The following TJP1 variants were observed in gnomAD, a reference collection of about 807,000 sequenced individuals.
The protein encoded by TJP1 is tight junction protein ZO-1.
TJP1 carries 43 observed loss-of-function variants against 194.2 expected under a neutral mutation model. The ratio of observed to expected loss-of-function variants is 0.22; its 90% CI spans 0.17 to 0.29. The LOEUF (loss-of-function observed/expected upper bound fraction) is 0.29. TJP1 is among the 10% of genes least tolerant of loss of function. The probability of loss-of-function intolerance (pLI) is 1.00; values close to 1 mark genes in which losing one functional copy is unlikely to be tolerated. For missense variants in TJP1, 1,971 were observed against 2,185.7 expected, an observed-to-expected ratio of 0.90 and a Z score of 1.96; for synonymous variants, 801 against 779.0, an observed-to-expected ratio of 1.03 and a Z score of -0.47.
chr15:29,808,078 GC>G (rs1169146297), intron 1 of TJP1, among the ~76,000 whole-genome samples: 6 of 152,176 alleles, frequency 3.9e-5, no homozygotes, highest in African/African-American at 1.4e-4. Context: ...GATCAGCCTG[GC>G]CAACCTGGTG....
At chr15:29,928,970 CACTT>C (rs2054616525) in intron 2 of TJP1, among the ~76,000 whole-genome samples, 2 of 152,020 alleles carry the variant, frequency 1.3e-5, no homozygotes, top group African/African-American at 4.8e-5. Flanking sequence ...AACACACACA[CACTT>C]GTCTCAATAA....
intron 2 of TJP1, among the ~76,000 whole-genome samples, chr15:29,778,122 A>C (rs530656508): frequency 6.6e-6 from 1 of 152,334 alleles, no homozygotes; most frequent in East Asian, 1.9e-4. Flanking sequence ...CTTGTGAGCA[A>C]GTAAATGCAG....
intron 1 of TJP1, among the ~76,000 whole-genome samples, chr15:29,811,120 T>C (rs1290543419): frequency 1.3e-5 from 2 of 151,986 alleles, no homozygotes; most frequent in African/African-American, 4.8e-5. Context: ...AAAGCACAGT[T>C]TGAGAACAAG....
chr15:29,793,889 T>C (rs2048247725), intron 2 of TJP1, among the ~76,000 whole-genome samples: 1 of 152,206 alleles, frequency 6.6e-6, no homozygotes, highest in South Asian at 2.1e-4. Flanking sequence ...AATATGTAGT[T>C]GAATTTGGTT....
intron 2 of TJP1, among the ~76,000 whole-genome samples, chr15:29,783,507 T>C (rs1387077273): frequency 6.6e-6 from 1 of 152,118 alleles, no homozygotes. Flanking sequence ...CATTCTATCA[T>C]AAAGACACAT....
chr15:29,715,343 C>T (rs1349653441), intron 23 of TJP1, among the ~76,000 whole-genome samples: 1 of 152,156 alleles, frequency 6.6e-6, no homozygotes, highest in African/African-American at 2.4e-5. Context: ...TCTCAGTTTG[C>T]ATTTGGATTC....
chr15:29,828,380 A>G (rs2050736738), intron 2 of TJP1, among the ~76,000 whole-genome samples: 1 of 152,130 alleles, frequency 6.6e-6, no homozygotes, highest in Admixed American at 6.5e-5. Flanking sequence ...TATTTCTATT[A>G]TAATGTCACA....
intron 1 of TJP1, 31 bp downstream of exon 1, chr15:29,821,971 G>A: frequency 1.6e-6 from 2 of 1,276,770 alleles, no homozygotes; most frequent in Non-Finnish European, 2.0e-6. Context: ...GGTCGGCCCG[G>A]TCTGGCCCTG....
chr15:29,747,512 TAA>T (rs1349942942), intron 8 of TJP1, among the ~76,000 whole-genome samples: 2 of 152,118 alleles, frequency 1.3e-5, no homozygotes, highest in South Asian at 2.1e-4. Flanking sequence ...AAATTATTTT[TAA>T]AAAGAGAAAA....
At chr15:29,936,587 T>C (rs1336313084) in intron 2 of TJP1, among the ~76,000 whole-genome samples, 1 of 152,164 alleles carries the variant, frequency 6.6e-6, no homozygotes, top group African/African-American at 2.4e-5. Context: ...CTTGGCTTGG[T>C]TTCAGATTAG....
In TJP1 at chr15:29,813,543, G is replaced by T. The variant is rs941252529; in HGVS notation, c.27+8459C>A. On this transcript the variant is annotated intron_variant, in intron 1 of 27. Transcript: ENST00000614355. ...CTTACAAACATAATGCTGAGCAAAA[G>T]AAGCCATATACAACAGAATTCACAC... Among the ~76,000 whole-genome samples, 30 of 152,172 alleles carry T rather than the reference G, an allele frequency of 2.0e-4. 1 individual carries two copies. Among genetic ancestry groups the T allele is most frequent in the African/African-American group, 7.2e-4 (30 of 41,448 alleles).
chr15:29,928,285 A>T (rs898473005), intron 2 of TJP1, among the ~76,000 whole-genome samples: 2 of 152,236 alleles, frequency 1.3e-5, no homozygotes, highest in Non-Finnish European at 2.9e-5. Flanking sequence ...GAGAGGCTCA[A>T]TATCATTAGT....
intron 2 of TJP1, among the ~76,000 whole-genome samples, chr15:29,833,322 C>CA (rs1229492844): frequency 1.3e-5 from 2 of 152,056 alleles, no homozygotes; most frequent in Non-Finnish European, 2.9e-5. Context: ...GTATCATTAG[C>CA]AAAATACTAT....
intron 2 of TJP1, among the ~76,000 whole-genome samples, chr15:29,887,280 TA>T (rs2053148059): frequency 6.8e-6 from 1 of 147,186 alleles, no homozygotes; most frequent in Non-Finnish European, 1.5e-5. Context: ...TATACATATA[TA>T]ATATAAATAT....
chr15:29,868,057 CAAAAA>C (rs33939764), intron 2 of TJP1, among the ~76,000 whole-genome samples: 6 of 127,350 alleles, frequency 4.7e-5, no homozygotes, highest in African/African-American at 1.5e-4. Flanking sequence ...GATTCTGTCT[CAAAAA>C]AAAAAAAAAA....
chr15:29,885,090 C>G (rs971550825), intron 2 of TJP1, among the ~76,000 whole-genome samples: 1 of 152,218 alleles, frequency 6.6e-6, no homozygotes, highest in Non-Finnish European at 1.5e-5. Flanking sequence ...TATGGAATCT[C>G]TAACCCTGCT....
intron 8 of TJP1, among the ~76,000 whole-genome samples, chr15:29,747,754 T>G (rs45490992): frequency 0.025 from 3,770 of 152,332 alleles, 72 homozygotes; most frequent in Non-Finnish European, 0.037. Flanking sequence ...TTAACTCAAA[T>G]GCTCTCCTCA....
rs2042713300 is a variant in TJP1, at chr15:29,718,510, G to A, written c.3632C>T (p.Ala1211Val). The change falls in exon 21 of 28, where the codon GCA (alanine) becomes GTA (valine). Residue 1211 changes from alanine to valine, a missense_variant. By Grantham distance (64) the Ala-to-Val change is moderately conservative. This residue lies in a region of TJP1 where 1,108 missense variants were observed against 1,128.5 expected (regional missense o/e 0.98). Coordinates refer to ENST00000614355, the MANE Select transcript of TJP1 (RefSeq NM_001330239.4). Reference protein sequence around the residue: ...QVPPQGFTSRAGHFEPLHGAA... With the variant: ...QVPPQGFTSRVGHFEPLHGAA... ...ACCATGGAGAGGCTCAAAATGACCT[G>A]CTCTAGAGGTAAATCCTTGGGGTGG... The A allele has an allele frequency of 1.9e-6, 3 of 1,614,152 alleles. No homozygotes were observed. Among genetic ancestry groups the A allele is most frequent in the Non-Finnish European group, 2.5e-6 (3 of 1,180,034 alleles).
intron 8 of TJP1, among the ~76,000 whole-genome samples, chr15:29,744,026 A>G (rs1351107694): frequency 6.6e-6 from 1 of 152,178 alleles, no homozygotes; most frequent in Non-Finnish European, 1.5e-5. Flanking sequence ...TAAAAATACA[A>G]AAATTAGCCC....
Sources: gnomAD v4.1 joint callset for allele counts (sites outside exome capture counted in the v4.1 genomes callset) on GRCh38, gnomAD v4.1.1 for gene constraint, gnomAD v4.1.1 regional missense constraint, MANE v1.5 for transcripts, NCBI Gene and HGNC (gene_info 2026-07-23, HGNC 2026-07-21) for gene names.